Variants in RIC8B observed in about 807,000 individuals in gnomAD.
RIC8B encodes RIC8 guanine nucleotide exchange factor B.
Under a neutral mutation model 57.5 loss-of-function variants are expected in RIC8B, and 16 were observed. The ratio of observed to expected loss-of-function variants is 0.28; its 90% CI spans 0.19 to 0.42. The LOEUF (loss-of-function observed/expected upper bound fraction) is 0.42, where lower values mean the gene tolerates loss of function less well. Ranked by LOEUF, RIC8B falls within the 10% of genes least tolerant of loss-of-function variation. The pLI, the probability that RIC8B is intolerant of heterozygous loss-of-function variation, is 1.00. For missense variants in RIC8B, 481 were observed against 677.0 expected (o/e 0.71, Z 3.21); for synonymous variants, 216 against 250.8 (o/e 0.86, Z 1.31).
intron 3 of RIC8B, among the ~76,000 whole-genome samples, chr12:106,821,725 A>G (rs1289420223): frequency 6.6e-6 from 1 of 152,190 alleles, no homozygotes; most frequent in Non-Finnish European, 1.5e-5. Context: ...CTCTCTTCAG[A>G]ATACACTAAA....
intron 4 of RIC8B, among the ~76,000 whole-genome samples, chr12:106,827,221 C>T (rs557943590): frequency 1.3e-5 from 2 of 152,310 alleles, no homozygotes; most frequent in East Asian, 1.9e-4. Context: ...ATCAGATTTA[C>T]AATAACAAGA....
chr12:106,787,089 A>G (rs2044064188), intron 2 of RIC8B, among the ~76,000 whole-genome samples: 1 of 152,208 alleles, frequency 6.6e-6, no homozygotes, highest in African/African-American at 2.4e-5. Context: ...GTAGAAAAAA[A>G]CTAACATTTT....
intron 2 of RIC8B, among the ~76,000 whole-genome samples, chr12:106,788,364 A>G (rs2044124742): frequency 6.6e-6 from 1 of 152,078 alleles, no homozygotes; most frequent in Non-Finnish European, 1.5e-5. Flanking sequence ...GTGATCTACC[A>G]TTCTGGGGTT....
chr12:106,869,511 C>T (rs962962976), intron 8 of RIC8B, among the ~76,000 whole-genome samples: 4 of 151,910 alleles, frequency 2.6e-5, no homozygotes, highest in Non-Finnish European at 5.9e-5. Flanking sequence ...CAACACTCCA[C>T]ATTGTGTATA....
chr12:106,860,910 A>G lies in RIC8B; in HGVS notation c.1451+498A>G, dbSNP rs536893802. Reference sequence around the variant, plus strand: ...GAAGTCTGGCTTCACAGTGAATTTTAATCAAACAAACATATAAGACTCATC... The same window carrying G: ...GAAGTCTGGCTTCACAGTGAATTTTGATCAAACAAACATATAAGACTCATC... On this transcript the variant is annotated intron_variant, in intron 8 of 9. Transcript: ENST00000392837. Among the ~76,000 whole-genome samples, 6 of 152,174 alleles carry G rather than the reference A, an allele frequency of 3.9e-5. No homozygotes were observed. In the South Asian group the frequency reaches 1.2e-3, roughly 32 times the overall value.
chr12:106,783,173 A>C (rs2043843553), intron 1 of RIC8B, among the ~76,000 whole-genome samples: 1 of 152,166 alleles, frequency 6.6e-6, no homozygotes, highest in Non-Finnish European at 1.5e-5. Context: ...TTTCCTCATA[A>C]TCATTGGCAT....
intron 9 of RIC8B, among the ~76,000 whole-genome samples, 195 bp from the exon 10 acceptor site, chr12:106,885,709 T>A (rs1280964624): frequency 2.0e-5 from 3 of 151,942 alleles, no homozygotes; most frequent in African/African-American, 7.3e-5. Context: ...GTCTTTTATC[T>A]CCCTCTTCCC....
intron 4 of RIC8B, among the ~76,000 whole-genome samples, chr12:106,838,550 AAG>A (rs1491429598): frequency 4.6e-5 from 7 of 151,610 alleles, no homozygotes; most frequent in African/African-American, 9.7e-5. Context: ...AAAAAAAAAA[AAG>A]AGGGAGGAGG....
At chr12:106,809,345 G>A (rs939223858) in intron 2 of RIC8B, among the ~76,000 whole-genome samples, 10 of 151,980 alleles carry the variant, frequency 6.6e-5, no homozygotes, top group South Asian at 4.1e-4. Flanking sequence ...CCAACATGGC[G>A]AAACCCCATC....
chr12:106,800,756 T>C (rs2044695505), intron 2 of RIC8B, among the ~76,000 whole-genome samples: 1 of 152,188 alleles, frequency 6.6e-6, no homozygotes, highest in Non-Finnish European at 1.5e-5. Flanking sequence ...TAATTGAGTG[T>C]TGTGGAGTAG....
intron 2 of RIC8B, among the ~76,000 whole-genome samples, chr12:106,810,034 T>A (rs1441508007): frequency 6.6e-6 from 1 of 151,168 alleles, no homozygotes; most frequent in African/African-American, 2.4e-5. Context: ...ATATTTATTA[T>A]TTATTATTTA....
chr12:106,810,215 G>T, intron 2 of RIC8B, among the ~76,000 whole-genome samples: 1 of 143,856 alleles, frequency 7.0e-6, no homozygotes. Flanking sequence ...TTATAGGCAT[G>T]AGTGACCATG....
At chr12:106,843,261 C>CA (rs1408666362) in intron 5 of RIC8B, among the ~76,000 whole-genome samples, 11 of 152,110 alleles carry the variant, frequency 7.2e-5, no homozygotes, top group African/African-American at 2.4e-4. Flanking sequence ...GTCTATCACT[C>CA]ACTTTGTCAG....
chr12:106,830,994 T>A (rs540196839), intron 4 of RIC8B, among the ~76,000 whole-genome samples: 1 of 152,358 alleles, frequency 6.6e-6, no homozygotes, highest in Non-Finnish European at 1.5e-5. Context: ...CTTGCTCAAA[T>A]GATACCTGTC....
At chr12:106,795,394 C>T (rs574835266) in intron 2 of RIC8B, among the ~76,000 whole-genome samples, 32 of 152,188 alleles carry the variant, frequency 2.1e-4, no homozygotes, top group Non-Finnish European at 1.8e-4. Context: ...GAAAACAGCT[C>T]TCTCTCTAGT....
intron 3 of RIC8B, among the ~76,000 whole-genome samples, chr12:106,819,363 A>C (rs1255695684): frequency 6.6e-6 from 1 of 152,184 alleles, no homozygotes; most frequent in Non-Finnish European, 1.5e-5. Context: ...GGGGGATAAA[A>C]AGGGTTCTTC....
chr12:106,790,561 T>C (rs991491868), intron 2 of RIC8B, among the ~76,000 whole-genome samples: 1 of 152,172 alleles, frequency 6.6e-6, no homozygotes, highest in Admixed American at 6.5e-5. Flanking sequence ...TAAACAAATA[T>C]GTCATGCAAA....
At chr12:106,870,077 C>CAA (rs1011613400) in intron 8 of RIC8B, among the ~76,000 whole-genome samples, 2 of 110,106 alleles carry the variant, frequency 1.8e-5, no homozygotes, top group Admixed American at 9.2e-5. Context: ...TTCCTGTCCT[C>CAA]AAAAAAAAAA....
intron 7 of RIC8B, among the ~76,000 whole-genome samples, chr12:106,854,427 C>T (rs1289645643): frequency 1.3e-5 from 2 of 152,116 alleles, no homozygotes; most frequent in East Asian, 1.9e-4. Context: ...GATCAAGGCT[C>T]AAAGGTCAGA....
Sources: gnomAD v4.1 joint callset for allele counts (sites outside exome capture counted in the v4.1 genomes callset) on GRCh38, gnomAD v4.1.1 for gene constraint, MANE v1.5 for transcripts, NCBI Gene and HGNC (gene_info 2026-07-23, HGNC 2026-07-21) for gene names.